TRIM68: variants seen among roughly 807,000 people sequenced by gnomAD.
The protein encoded by TRIM68 is E3 ubiquitin-protein ligase TRIM68.
In TRIM68, 36 loss-of-function variants were observed where a neutral mutation model predicts 41.9. The observed-to-expected ratio is 0.86, with a 90% CI of 0.66 to 1.14. The LOEUF is 1.14. Ranked by LOEUF, TRIM68 falls within the 50% of genes most tolerant of loss-of-function variation. TRIM68 has a pLI of 0.00. For missense variants in TRIM68, 632 were observed against 605.1 expected (o/e 1.04, Z -0.47); for synonymous variants, 225 against 224.6 (o/e 1.00, Z -0.02).
At chr11:4,607,409 T>A (rs1223026723) in intron 1 of TRIM68, among the ~76,000 whole-genome samples, 1 of 152,228 alleles carries the variant, frequency 6.6e-6, no homozygotes, top group African/African-American at 2.4e-5. Flanking sequence ...TATCCTTAGC[T>A]AAGTCAGTAG....
intron 2 of TRIM68, 72 bp downstream of exon 2, chr11:4,605,007 T>A: frequency 6.5e-7 from 1 of 1,543,802 alleles, no homozygotes; most frequent in Non-Finnish European, 8.8e-7. Flanking sequence ...GTGCTGGTGG[T>A]CAAGCCCTTG....
At chr11:4,607,488 T>A (rs1398659230) in intron 1 of TRIM68, among the ~76,000 whole-genome samples, 1 of 152,154 alleles carries the variant, frequency 6.6e-6, no homozygotes, top group Non-Finnish European at 1.5e-5. Flanking sequence ...TATTTAAAGC[T>A]ACAAATGGAA....
intron 2 of TRIM68, among the ~76,000 whole-genome samples, chr11:4,603,738 T>C (rs889305070): frequency 1.3e-5 from 2 of 152,208 alleles, no homozygotes; most frequent in African/African-American, 4.8e-5. Flanking sequence ...TTGTTAGAAA[T>C]GCAGAATCTT....
At chr11:4,601,936 T>C (rs1846495557) in intron 4 of TRIM68, 2 of 787,710 alleles carry the variant, frequency 2.5e-6, no homozygotes, top group African/African-American at 1.7e-5. Flanking sequence ...ACGCCAGAGC[T>C]GCCTGAGCAC....
At chr11:4,601,917 C>T (rs1279352335) in intron 4 of TRIM68, 4 of 767,698 alleles carry the variant, frequency 5.2e-6, no homozygotes, top group Middle Eastern at 3.6e-4. Context: ...GAGGAGAGGG[C>T]CTGGAATGAC....
In TRIM68 at chr11:4,602,197, T is replaced by C. The variant is rs777349318; in HGVS notation, c.738A>G (p.Ala246=). 2.0e-5 allele frequency: 33 copies of C among 1,614,002 alleles called. No homozygotes were observed. The highest frequency in any genetic ancestry group is 8.3e-5 in the Admixed American group (5 of 59,998). Residue 246 remains alanine, a synonymous_variant, in exon 4 of 7, where the codon GCA becomes GCG. Coordinates refer to ENST00000300747, the MANE Select transcript of TRIM68 (RefSeq NM_018073.8). ...QQSQVLWRMI[A]ELKERSQRPV... Reference sequence around the variant, plus strand: ...GCCTCTGCGACCTCTCTTTCAACTCTGCAATCATCCTCCACAGGACCTGGC... The same window carrying C: ...GCCTCTGCGACCTCTCTTTCAACTCCGCAATCATCCTCCACAGGACCTGGC...
Position 4,600,704 on chromosome 11 carries a change from A to AG in TRIM68, c.1029dup (p.Tyr344LeufsTer2). 1 of 1,614,136 alleles carries AG rather than the reference A, an allele frequency of 6.2e-7. No individual in the cohort carries two copies. The highest frequency in any genetic ancestry group is 1.7e-5 in the Admixed American group (1 of 60,030). On this transcript the variant is annotated frameshift_variant, in exon 7 of 7. Coordinates refer to ENST00000300747, the MANE Select transcript of TRIM68 (RefSeq NM_018073.8). LOFTEE classifies it low-confidence loss of function (END_TRUNC). ...CACTGGCTTCCCAGGACGATATTAT[A>AG]GCGGTAAAATCTCTCAGGATTGTCT...
At position 4,600,872 on chromosome 11, in the gene TRIM68, G is replaced by A. The variant is rs2231974; in HGVS notation, c.908-46C>T. On this transcript the variant is annotated intron_variant, in intron 6 of 6. Transcript: ENST00000300747. ...TGGTAACAGTGATATAGGGCCAGGG[G>A]ACATGGGTGAGAGCCCTCTGATAAA... 5.9e-4 allele frequency: 936 copies of A among 1,587,760 alleles called. 8 individuals carry two copies. In the African/African-American group the frequency reaches 0.011, roughly 19 times the overall value.
chr11:4,601,319 T>A lies in TRIM68; in HGVS notation c.807-192A>T, dbSNP rs1038338857. ...GGTGAGAACACCTGCATGCCCATGC[T>A]ATGGGAAGGGTTGGATGTATATTTG... On this transcript the variant is annotated intron_variant, in intron 5 of 6. Transcript: ENST00000300747. 3.3e-5 allele frequency: 20 copies of A among 607,136 alleles called. No individual in the cohort carries two copies. In the African/African-American group the frequency reaches 3.5e-4, roughly 11 times the overall value. The allele number at this position is 607,136 out of a possible 1,614,324, so 37.6% of individuals were successfully genotyped here. A position where few individuals can be genotyped will look rare whatever the true frequency, so the allele number is the denominator to read the frequency against.
In TRIM68 at chr11:4,605,281, A is replaced by T; in HGVS notation, c.224T>A (p.Leu75Gln). 2 of 1,614,270 alleles carry T rather than the reference A, an allele frequency of 1.2e-6. No individual in the cohort carries two copies. Among genetic ancestry groups the T allele is most frequent in the Non-Finnish European group, 1.7e-6 (2 of 1,180,054 alleles). ...QPRNLRPNWQ[L>Q]ANVVEKVRLL... ...ACGGACTTTTTCTACAACATTGGCC[A>T]GCTGCCAATTAGGCCGCAGGTTCCT... Residue 75 changes from leucine to glutamine, a missense_variant, in exon 2 of 7, where the codon CTG (leucine) becomes CAG (glutamine). Coordinates refer to ENST00000300747, the MANE Select transcript of TRIM68 (RefSeq NM_018073.8).
At chr11:4,603,981 T>A (rs79972108) in intron 2 of TRIM68, among the ~76,000 whole-genome samples, 1 of 152,256 alleles carries the variant, frequency 6.6e-6, no homozygotes, top group Non-Finnish European at 1.5e-5. Context: ...TAAATATGCA[T>A]GTGATACTTA....
Position 4,602,163 on chromosome 11 carries a change from A to C in TRIM68, c.772T>G (p.Trp258Gly). The change falls in exon 4 of 7, where the codon TGG (tryptophan) becomes GGG (glycine). Residue 258 changes from tryptophan to glycine, a missense_variant. Trp to Gly is a radical substitution (Grantham distance 184). Transcript: ENST00000300747. The part of the protein sequence containing the change: ...LKERSQRPVR[W>G]MLQDIQEVLN... ...AACCTACTACTCACCTGCAACATCC[A>C]GCGGACAGGCCTCTGCGACCTCTCT... 6.2e-7 allele frequency: 1 copy of C among 1,614,156 alleles called. No homozygotes were observed. The highest frequency in any genetic ancestry group is 8.5e-7 in the Non-Finnish European group (1 of 1,180,022).
intron 1 of TRIM68, among the ~76,000 whole-genome samples, chr11:4,606,365 G>C (rs1846567872): frequency 1.3e-5 from 2 of 152,186 alleles, no homozygotes; most frequent in Non-Finnish European, 1.5e-5. Context: ...GCAGGCTCTT[G>C]GCTCAGTTGG....
rs748783545 is a variant in TRIM68, at chr11:4,605,323, C to T, written c.182G>A (p.Arg61Gln). 24 of 1,614,230 alleles carry T rather than the reference C, an allele frequency of 1.5e-5. No homozygotes were observed. The highest frequency in any genetic ancestry group is 9.9e-5 in the South Asian group (9 of 91,084). The change falls in exon 2 of 7, where the codon CGA becomes CAA. Residue 61 changes from arginine (R) to glutamine (Q), a missense_variant. Coordinates refer to ENST00000300747, the MANE Select transcript of TRIM68 (RefSeq NM_018073.8). ...CAGGTTCCTTGGCTGGACAGGAGCT[C>T]GACAGAGGGGACAGGTGTAACCCCA... ...QNWGYTCPLC[R>Q]APVQPRNLRP...
chr11:4,601,895 ACT>A (rs1846494999), intron 4 of TRIM68: 1 of 764,850 alleles, frequency 1.3e-6, no homozygotes, highest in Non-Finnish European at 2.1e-6. Flanking sequence ...CCATCTCAAG[ACT>A]CTCGGGCTAG....
At chr11:4,602,968 C>A (rs1846515533) in intron 3 of TRIM68, among the ~76,000 whole-genome samples, 1 of 152,208 alleles carries the variant, frequency 6.6e-6, no homozygotes, top group Non-Finnish European at 1.5e-5. Context: ...ATAAGCCATG[C>A]CACTGTGAGC....
intron 4 of TRIM68, 179 bp downstream of exon 4, chr11:4,601,973 C>G (rs1846496453): frequency 2.1e-6 from 2 of 936,600 alleles, no homozygotes; most frequent in Non-Finnish European, 3.2e-6. Flanking sequence ...CTACAACAGA[C>G]CAGGTCATCC....
chr11:4,600,376 G>T lies in TRIM68; in HGVS notation c.1358C>A (p.Pro453His), dbSNP rs1301614653. 6.2e-7 allele frequency: 1 copy of T among 1,614,086 alleles called. No individual in the cohort carries two copies. Among genetic ancestry groups the T allele is most frequent in the Non-Finnish European group, 8.5e-7 (1 of 1,180,000 alleles). ...GSHIFTFPRY[P>H]FPGRLLPYFS... ...ATAGGGCAGGAGGCGCCCAGGGAAG[G>T]GATAGCGGGGGAAAGTGAAGATGTG... The change falls in exon 7 of 7, where the codon CCC becomes CAC. Residue 453 changes from proline (P) to histidine (H), a missense_variant. By Grantham distance (77) the Pro-to-His change is moderately conservative. Transcript: ENST00000300747.
At position 4,600,639 on chromosome 11, in the gene TRIM68, T is replaced by A. The variant is rs1264871089; in HGVS notation, c.1095A>T (p.Gly365=). 1 of 1,614,086 alleles carries A rather than the reference T, an allele frequency of 6.2e-7. No homozygotes were observed. The highest frequency in any genetic ancestry group is 8.5e-7 in the Non-Finnish European group (1 of 1,180,010). Residue 365 remains glycine, a synonymous_variant, in exon 7 of 7, where the codon GGA becomes GGT. Coordinates refer to ENST00000300747, the MANE Select transcript of TRIM68 (RefSeq NM_018073.8). ...CTCCCAGGCCCCACTCAGACCTGTC[T>A]CCCACCTCCACCTCCCAGTAGTGCC... ...SGRHYWEVEV[G]DRSEWGLGVC...
Sources: allele counts gnomAD v4.1 joint callset (sites outside exome capture counted in the v4.1 genomes callset), GRCh38; gene constraint gnomAD v4.1.1; transcripts MANE v1.5; gene names NCBI Gene and HGNC (gene_info 2026-07-23, HGNC 2026-07-21).